PLPP3: variants seen among roughly 807,000 people sequenced by gnomAD.
The protein encoded by PLPP3 is PAP2 beta.
PLPP3 carries 6 observed loss-of-function variants against 29.6 expected under a neutral mutation model. The ratio of observed to expected loss-of-function variants is 0.20; its 90% confidence interval spans 0.11 to 0.40. The LOEUF is 0.40. Among genes scored for constraint, PLPP3 ranks in the 10% least tolerant of loss-of-function variants. PLPP3 has a pLI of 1.00. For missense variants in PLPP3, 308 were observed against 407.7 expected (o/e 0.76, Z 2.11); for synonymous variants, 152 against 159.7 (o/e 0.95, Z 0.36).
At chr1:56,559,226 G>C (rs1646104507) in intron 1 of PLPP3, among the ~76,000 whole-genome samples, 1 of 152,196 alleles carries the variant, frequency 6.6e-6, no homozygotes, top group African/African-American at 2.4e-5. Context: ...ACAAAGGCTG[G>C]AATACAGATT....
In PLPP3 at chr1:56,578,965, C is replaced by T; in HGVS notation, c.52G>A (p.Gly18Ser). ...GGGTTGTTGTTGAGCGCCGGGCTGC[C>T]GCCGTTCTTGCTCTCCGGGACGATC... ...KAIVPESKNG[G>S]SPALNNNPRR... Residue 18 changes from glycine to serine, a missense_variant, in exon 1 of 6, where the codon GGC becomes AGC. Around this residue, in one of 3 missense-constraint regions of PLPP3, gnomAD observed 67 missense variants for 61.3 expected, o/e 1.09. Transcript: ENST00000371250. The T allele has an allele frequency of 1.2e-6, 2 of 1,602,514 alleles. No homozygotes were observed. Among genetic ancestry groups the T allele is most frequent in the South Asian group, 2.2e-5 (2 of 90,334 alleles).
At chr1:56,574,474 C>T (rs1646221934) in intron 1 of PLPP3, among the ~76,000 whole-genome samples, 2 of 152,236 alleles carry the variant, frequency 1.3e-5, no homozygotes, top group South Asian at 2.1e-4. Flanking sequence ...AAGCTGATCT[C>T]GAACTCCTTA....
At chr1:56,522,257 G>C (rs1038816583) in intron 4 of PLPP3, among the ~76,000 whole-genome samples, 2 of 152,208 alleles carry the variant, frequency 1.3e-5, no homozygotes, top group Non-Finnish European at 2.9e-5. Flanking sequence ...GGCATCCAAA[G>C]TGTGTCAGCA....
intron 5 of PLPP3, among the ~76,000 whole-genome samples, chr1:56,498,495 T>G (rs1186571681): frequency 6.6e-6 from 1 of 152,158 alleles, no homozygotes; most frequent in African/African-American, 2.4e-5. Flanking sequence ...GTGGCCTTAC[T>G]TCTTTTTGTA....
At chr1:56,522,000 C>A (rs1013289645) in intron 4 of PLPP3, among the ~76,000 whole-genome samples, 2 of 152,154 alleles carry the variant, frequency 1.3e-5, no homozygotes, top group African/African-American at 4.8e-5. Context: ...GGTAATATTC[C>A]TTAAGTTCAA....
chr1:56,557,291 T>A (rs566099270), intron 1 of PLPP3, among the ~76,000 whole-genome samples: 22 of 151,116 alleles, frequency 1.5e-4, no homozygotes, highest in African/African-American at 4.9e-4. Context: ...GGCAGGAGAA[T>A]CGCTTGAACC....
At chr1:56,578,763 C>T (rs1646255164) in intron 1 of PLPP3, 115 bp downstream of exon 1, 8 of 1,125,340 alleles carry the variant, frequency 7.1e-6, no homozygotes, top group Non-Finnish European at 8.9e-6. Flanking sequence ...GCTGCGGGGG[C>T]CCCCCGGAGC....
In PLPP3 at chr1:56,518,515, G is replaced by C. The variant is rs530181260; in HGVS notation, c.633+5308C>G. 2.0e-4 allele frequency among the ~76,000 whole-genome samples: 30 copies of C among 152,140 alleles called. No homozygotes were observed. The Middle Eastern group carries it at 0.014, about 69-fold the overall frequency. On this transcript the variant is annotated intron_variant, in intron 4 of 5. Coordinates refer to ENST00000371250, the MANE Select transcript of PLPP3 (RefSeq NM_003713.5). ...CAATCTATCAAGTCCGTGATGAGGA[G>C]ACAAAAAAAGTTCTGATCAGAATGG...
At chr1:56,522,367 A>C (rs1645824521) in intron 4 of PLPP3, among the ~76,000 whole-genome samples, 1 of 152,252 alleles carries the variant, frequency 6.6e-6, no homozygotes, top group Non-Finnish European at 1.5e-5. Context: ...GATATGAAAA[A>C]AATGAACACA....
At chr1:56,506,181 C>CA (rs1455614039) in intron 5 of PLPP3, among the ~76,000 whole-genome samples, 1 of 152,164 alleles carries the variant, frequency 6.6e-6, no homozygotes, top group Non-Finnish European at 1.5e-5. Flanking sequence ...AGAGGCCTTG[C>CA]AAATCCATGG....
At chr1:56,538,598 TA>T in intron 1 of PLPP3, 2 of 361,426 alleles carry the variant, frequency 5.5e-6, no homozygotes, top group South Asian at 2.8e-5. Flanking sequence ...GGTACTGCTC[TA>T]AAAAGAATGC....
intron 1 of PLPP3, among the ~76,000 whole-genome samples, chr1:56,539,678 G>T (rs1291451842): frequency 6.6e-6 from 1 of 152,182 alleles, no homozygotes; most frequent in African/African-American, 2.4e-5. Flanking sequence ...GGCAGGGAAA[G>T]GCAGTGGATA....
At chr1:56,499,441 A>C (rs1557495633) in intron 5 of PLPP3, among the ~76,000 whole-genome samples, 1 of 152,068 alleles carries the variant, frequency 6.6e-6, no homozygotes, top group Non-Finnish European at 1.5e-5. Context: ...GAATCACCCA[A>C]AGCACTTAGC....
intron 1 of PLPP3, among the ~76,000 whole-genome samples, chr1:56,549,354 G>A (rs900205794): frequency 3.4e-4 from 52 of 152,258 alleles, no homozygotes; most frequent in African/African-American, 1.3e-3. Context: ...TCTGATATCA[G>A]TAAGACTGCA....
At chr1:56,532,474 T>C (rs371527074) in intron 2 of PLPP3, among the ~76,000 whole-genome samples, 2 of 151,536 alleles carry the variant, frequency 1.3e-5, no homozygotes, top group South Asian at 4.2e-4. Context: ...TAAAGGGAGA[T>C]GGAGGGGTGG....
At chr1:56,575,227 T>C (rs1421593833) in intron 1 of PLPP3, among the ~76,000 whole-genome samples, 2 of 152,174 alleles carry the variant, frequency 1.3e-5, no homozygotes, top group African/African-American at 4.8e-5. Flanking sequence ...AACCGACTCA[T>C]CCACACAATG....
rs376913327 is a variant in PLPP3, at chr1:56,560,236, T to A, written c.139+18642A>T. The stretch of plus-strand genomic sequence containing the variant: ...AACCTGGTGCATTAAAGGTGCTCAA[T>A]GCATATTTGTGGAAATGACTCATCA... On this transcript the variant is annotated intron_variant, in intron 1 of 5. Coordinates refer to ENST00000371250, the MANE Select transcript of PLPP3 (RefSeq NM_003713.5). 1.1e-4 allele frequency among the ~76,000 whole-genome samples: 16 copies of A among 152,328 alleles called. No individual in the cohort carries two copies. The South Asian group carries it at 3.3e-3, about 32-fold the overall frequency.
chr1:56,531,732 G>A (rs567845184), intron 2 of PLPP3, among the ~76,000 whole-genome samples: 6 of 152,300 alleles, frequency 3.9e-5, no homozygotes, highest in South Asian at 2.1e-4. Flanking sequence ...GTTTTAATTC[G>A]TGTTCCCCCA....
intron 1 of PLPP3, among the ~76,000 whole-genome samples, chr1:56,555,294 G>A (rs1484915593): frequency 6.6e-6 from 1 of 151,456 alleles, no homozygotes; most frequent in Non-Finnish European, 1.5e-5. Context: ...CCCTGCACAT[G>A]GACACCGTAA....
Sources: allele counts gnomAD v4.1 joint callset (sites outside exome capture counted in the v4.1 genomes callset), GRCh38; gene constraint gnomAD v4.1.1; regional missense constraint gnomAD v4.1.1; transcripts MANE v1.5; gene names NCBI Gene and HGNC (gene_info 2026-07-23, HGNC 2026-07-21).